The following LATS1 variants were observed in gnomAD, a reference collection of about 807,000 sequenced individuals.
The protein encoded by LATS1 is serine/threonine-protein kinase LATS1.
LATS1 carries 25 observed loss-of-function variants against 106.6 expected under a neutral mutation model. The ratio of observed to expected loss-of-function variants is 0.23; its 90% CI spans 0.17 to 0.33. The LOEUF is 0.33. Ranked by LOEUF, LATS1 falls within the 10% of genes least tolerant of loss-of-function variation. The probability of loss-of-function intolerance (pLI) is 1.00; values close to 1 mark genes in which losing one functional copy is unlikely to be tolerated. For missense variants in LATS1, 1,040 were observed against 1,382.6 expected, an observed-to-expected ratio of 0.75 and a Z score of 3.93; for synonymous variants, 465 against 455.6, an observed-to-expected ratio of 1.02 and a Z score of -0.26.
At chr6:149,689,874 G>A (rs945318871) in intron 3 of LATS1, among the ~76,000 whole-genome samples, 6 of 151,930 alleles carry the variant, frequency 3.9e-5, no homozygotes, top group Admixed American at 3.9e-4. Context: ...AGTTTCTCAG[G>A]AAGCTTACTT....
At chr6:149,685,238 A>C (rs1025344207) in intron 3 of LATS1, among the ~76,000 whole-genome samples, 1 of 151,670 alleles carries the variant, frequency 6.6e-6, no homozygotes, top group African/African-American at 2.4e-5. Flanking sequence ...ACTCCATCTC[A>C]AAAAAAATAT....
chr6:149,677,935 G>A (rs1298840399), intron 5 of LATS1, among the ~76,000 whole-genome samples: 5 of 151,236 alleles, frequency 3.3e-5, no homozygotes, highest in South Asian at 4.2e-4. Flanking sequence ...CAGGAGAATC[G>A]CTTGAGCCCA....
chr6:149,684,170 T>C lies in LATS1; in HGVS notation c.919A>G (p.Thr307Ala). Reference sequence around the variant, plus strand: ...TGATTAGGAGGATTCATGGGGGAAGTGTTGAGAGGTGGTGGAGGATAGCCC... The same window carrying C: ...TGATTAGGAGGATTCATGGGGGAAGCGTTGAGAGGTGGTGGAGGATAGCCC... The part of the protein sequence containing the change: ...QEGYPPPPLN[T>A]SPMNPPNQGQ... Residue 307 changes from threonine to alanine, a missense_variant, in exon 4 of 8, where the codon ACT becomes GCT. Physicochemically the swap from Thr to Ala is moderately conservative, Grantham distance 58. This residue lies in a region of LATS1 where 624 missense variants were observed against 714.8 expected (regional missense o/e 0.87). Coordinates refer to ENST00000543571, the MANE Select transcript of LATS1 (RefSeq NM_004690.4). 2 of 1,614,058 alleles carry C rather than the reference T, an allele frequency of 1.2e-6. No individual in the cohort carries two copies. The highest frequency in any genetic ancestry group is 1.7e-6 in the Non-Finnish European group (2 of 1,180,018).
rs962268022 is a variant in LATS1, at chr6:149,659,435, G to C, written c.*2294C>G. 3.7e-4 allele frequency: 81 copies of C among 217,046 alleles called. No individual in the cohort carries two copies. The highest frequency in any genetic ancestry group is 1.7e-3 in the African/African-American group (77 of 44,250). 13.4% of individuals were successfully genotyped at this position (217,046 alleles called of 1,614,324 possible). On this transcript the variant is annotated 3_prime_UTR_variant, in exon 8 of 8. Transcript: ENST00000543571. ...TGAAGCGCCACTGCCCTCCAGCCTGGGTGACAGAGTGAGACCCTGTCTCAA... is the reference window on the plus strand; with the variant it reads ...TGAAGCGCCACTGCCCTCCAGCCTGCGTGACAGAGTGAGACCCTGTCTCAA...
rs1447986505 is a variant in LATS1 at position 149,717,903 on chromosome 6, T to C, written c.-195A>G. Reference sequence around the variant, plus strand: ...CGGCCACGGGCCTGAGGGCGGACGCTGAGGCGGCCAGAGTCCGTCCCAGCA... The same window carrying C: ...CGGCCACGGGCCTGAGGGCGGACGCCGAGGCGGCCAGAGTCCGTCCCAGCA... On this transcript the variant is annotated 5_prime_UTR_variant, in exon 1 of 8. Transcript: ENST00000543571. 8.1e-6 allele frequency: 3 copies of C among 370,566 alleles called. No individual in the cohort carries two copies. The highest frequency in any genetic ancestry group is 3.0e-4 in the East Asian group (2 of 6,668). The allele number at this position is 370,566 out of a possible 1,614,324, so 23.0% of individuals were successfully genotyped here.
intron 7 of LATS1, 110 bp from the exon 8 acceptor site, chr6:149,662,348 T>G: frequency 1.1e-6 from 1 of 945,032 alleles, no homozygotes; most frequent in Non-Finnish European, 1.5e-6. Context: ...TTTAAATAAA[T>G]TACATGATAT....
At chr6:149,695,259 T>C in intron 2 of LATS1, 38 bp from the exon 3 acceptor site, 1 of 1,391,122 alleles carries the variant, frequency 7.2e-7, no homozygotes, top group Non-Finnish European at 1.0e-6. Context: ...AGAAACAAAA[T>C]TTAAATCTTA....
At chr6:149,678,186 A>T (rs1310628624) in intron 5 of LATS1, among the ~76,000 whole-genome samples, 1 of 147,512 alleles carries the variant, frequency 6.8e-6, no homozygotes, top group African/African-American at 2.5e-5. Context: ...AAAAAAAAAA[A>T]AAAAAAAAAT....
At chr6:149,677,288 TAA>T (rs893099264) in intron 5 of LATS1, among the ~76,000 whole-genome samples, 10 of 152,008 alleles carry the variant, frequency 6.6e-5, no homozygotes, top group Non-Finnish European at 1.5e-4. Context: ...AGCTAAACCG[TAA>T]AAAAACAAGA....
chr6:149,707,511 A>G (rs1783855288), intron 1 of LATS1, among the ~76,000 whole-genome samples: 1 of 152,108 alleles, frequency 6.6e-6, no homozygotes, highest in Admixed American at 6.6e-5. Context: ...ATTTCATGAG[A>G]TTTACATTCC....
At chr6:149,710,851 TA>T (rs1402627813) in intron 1 of LATS1, among the ~76,000 whole-genome samples, 1 of 152,170 alleles carries the variant, frequency 6.6e-6, no homozygotes, top group Non-Finnish European at 1.5e-5. Context: ...GTATTATAAG[TA>T]AATGATGAGT....
intron 1 of LATS1, among the ~76,000 whole-genome samples, chr6:149,703,363 T>C (rs1783573827): frequency 6.6e-6 from 1 of 152,236 alleles, no homozygotes; most frequent in Admixed American, 6.5e-5. Flanking sequence ...AGCTATGAAC[T>C]AGGACTCTGA....
chr6:149,692,363 A>G (rs2114886095), intron 3 of LATS1, among the ~76,000 whole-genome samples: 1 of 152,230 alleles, frequency 6.6e-6, no homozygotes, highest in Non-Finnish European at 1.5e-5. Context: ...ACTTCTTCAG[A>G]TATCAGCTTT....
chr6:149,697,145 A>G, intron 2 of LATS1: 1 of 1,347,720 alleles, frequency 7.4e-7, no homozygotes, highest in Non-Finnish European at 9.8e-7. Context: ...GAAATGGCTT[A>G]GTAAGACTAA....
intron 7 of LATS1, among the ~76,000 whole-genome samples, chr6:149,673,187 C>T (rs868315691): frequency 6.7e-6 from 1 of 149,988 alleles, no homozygotes; most frequent in East Asian, 2.0e-4. Context: ...GCCTTGACCT[C>T]CCCAGGCTCA....
chr6:149,674,295 A>G (rs535653836), intron 7 of LATS1, among the ~76,000 whole-genome samples: 2 of 151,382 alleles, frequency 1.3e-5, no homozygotes, highest in Admixed American at 1.3e-4. Flanking sequence ...GGCTGGTCTC[A>G]AACTCCTGAC....
At chr6:149,696,422 T>C (rs1273254642) in intron 2 of LATS1, among the ~76,000 whole-genome samples, 1 of 150,126 alleles carries the variant, frequency 6.7e-6, no homozygotes, top group Non-Finnish European at 1.5e-5. Context: ...TATAAAATTG[T>C]CTGGGTGTAG....
In LATS1 at chr6:149,661,605, ATAT is replaced by A. The variant is rs555615311; in HGVS notation, c.*121_*123del. On this transcript the variant is annotated 3_prime_UTR_variant, in exon 8 of 8. Coordinates refer to ENST00000543571, the MANE Select transcript of LATS1 (RefSeq NM_004690.4). ...ATTTCCCATAATTTAGGAAAATAAA[ATAT>A]TGTACACAGAGCACACATATATAGC... 742 of 677,440 alleles carry A rather than the reference ATAT, an allele frequency of 1.1e-3. 4 individuals carry two copies. The African/African-American group carries it at 0.012, about 11-fold the overall frequency. 42.0% of individuals were successfully genotyped at this position (677,440 alleles called of 1,614,324 possible). A position where few individuals can be genotyped will look rare whatever the true frequency, so the allele number is the denominator to read the frequency against.
At chr6:149,678,261 G>A (rs976789930) in intron 5 of LATS1, among the ~76,000 whole-genome samples, 3 of 149,768 alleles carry the variant, frequency 2.0e-5, no homozygotes, top group African/African-American at 4.9e-5. Context: ...AGAGAATGGC[G>A]TGAACCTGGG....
Sources: allele counts gnomAD v4.1 joint callset (sites outside exome capture counted in the v4.1 genomes callset), GRCh38; gene constraint gnomAD v4.1.1; regional missense constraint gnomAD v4.1.1; transcripts MANE v1.5; gene names NCBI Gene and HGNC (gene_info 2026-07-23, HGNC 2026-07-21).